Variants in NUBP1 observed in about 807,000 individuals in gnomAD.
NUBP1 encodes cytosolic Fe-S cluster assembly factor NUBP1.
Under a neutral mutation model 41.8 loss-of-function variants are expected in NUBP1, and 46 were observed. The ratio of observed to expected loss-of-function variants is 1.10; its 90% CI spans 0.87 to 1.41. The LOEUF is 1.41. Among genes scored for constraint, NUBP1 ranks in the 40% most tolerant of loss-of-function variants. The pLI is 0.00. For missense variants in NUBP1, 494 were observed against 414.0 expected, an observed-to-expected ratio of 1.19 and a Z score of -1.68; for synonymous variants, 189 against 154.6, an observed-to-expected ratio of 1.22 and a Z score of -1.65.
intron 3 of NUBP1, among the ~76,000 whole-genome samples, chr16:10,751,483 G>A (rs1418746378): frequency 6.6e-6 from 1 of 152,192 alleles, no homozygotes; most frequent in Non-Finnish European, 1.5e-5. Context: ...GGGTGCTGAG[G>A]AAGTAGGAGG....
At position 10,755,718 on chromosome 16, in the gene NUBP1, C is replaced by A; in HGVS notation, c.328-3C>A. On this transcript the variant is annotated splice_region_variant and splice_polypyrimidine_tract_variant and intron_variant, in intron 4 of 10. Transcript: ENST00000283027. Reference sequence around the variant, plus strand: ...ATGAACATCGGTGCTCATGTTCACACAGGTTCACCAGAGTGGCTCAGGCTG... The same window carrying A: ...ATGAACATCGGTGCTCATGTTCACAAAGGTTCACCAGAGTGGCTCAGGCTG... 1 of 1,614,106 alleles carries A rather than the reference C, an allele frequency of 6.2e-7. No homozygotes were observed. Among genetic ancestry groups the A allele is most frequent in the South Asian group, 1.1e-5 (1 of 91,080 alleles).
At position 10,747,231 on chromosome 16, in the gene NUBP1, C is replaced by A; in HGVS notation, c.213C>A (p.Phe71Leu). 2.5e-6 allele frequency: 4 copies of A among 1,614,214 alleles called. No homozygotes were observed. Among genetic ancestry groups the A allele is most frequent in the Non-Finnish European group, 3.4e-6 (4 of 1,180,038 alleles). Residue 71 changes from phenylalanine to leucine, a missense_variant, in exon 3 of 11, where the codon TTC becomes TTA. Coordinates refer to ENST00000283027, the MANE Select transcript of NUBP1 (RefSeq NM_002484.4). ...AAGGCGGTGTTGGGAAAAGCACATT[C>A]AGCGCCCACCTTGCCCATGGCCTAG... ...SGKGGVGKST[F>L]SAHLAHGLAE...
chr16:10,761,286 C>T lies in NUBP1; in HGVS notation c.607-78C>T. 7 of 1,324,508 alleles carry T rather than the reference C, an allele frequency of 5.3e-6. No homozygotes were observed. The South Asian group carries it at 7.5e-5, about 14-fold the overall frequency. The allele number at this position is 1,324,508 out of a possible 1,614,324, so 82.0% of individuals were successfully genotyped here. ...TTATGATCGCAGATCCACTGCATTG[C>T]AGCCATCCCCTCGGTTGCACAGACA... is the stretch of plus-strand genomic sequence containing the variant. On this transcript the variant is annotated intron_variant, in intron 7 of 10. Coordinates refer to ENST00000283027, the MANE Select transcript of NUBP1 (RefSeq NM_002484.4).
chr16:10,762,163 GGCTC>G (rs1228775479), intron 9 of NUBP1: 1 of 249,228 alleles, frequency 4.0e-6, no homozygotes, highest in African/African-American at 2.2e-5. Context: ...ATAGAGGGGC[GGCTC>G]CAGGGGATGC....
At chr16:10,744,088 A>C (rs374218615) in intron 2 of NUBP1, 23 bp downstream of exon 2, 1 of 1,517,500 alleles carries the variant, frequency 6.6e-7, no homozygotes, top group Non-Finnish European at 8.8e-7. Context: ...CAAGGCCTCA[A>C]CAGGAACTTA....
In NUBP1 at chr16:10,749,854, A is replaced by C. The variant is rs1834988595; in HGVS notation, c.258+2578A>C. ...GATCAAGAGAGAGCAGAATTAGAAA[A>C]CACCCCTGACGAGTCACAGGCTGCC... On this transcript the variant is annotated intron_variant, in intron 3 of 10. Coordinates refer to ENST00000283027, the MANE Select transcript of NUBP1 (RefSeq NM_002484.4). This position sits in a 1 kb window ranked among gnomAD's most constrained non-coding sequence, Gnocchi z 4.1. Among the ~76,000 whole-genome samples, 1 of 152,134 alleles carries C rather than the reference A, an allele frequency of 6.6e-6. No individual in the cohort carries two copies. Among genetic ancestry groups the C allele is most frequent in the African/African-American group, 2.4e-5 (1 of 41,424 alleles).
chr16:10,753,278 A>C (rs1900406224), intron 4 of NUBP1, among the ~76,000 whole-genome samples: 1 of 152,344 alleles, frequency 6.6e-6, no homozygotes, highest in East Asian at 1.9e-4. Context: ...AGTGAAATGC[A>C]GAAGTAAGAC....
intron 5 of NUBP1, 37 bp downstream of exon 5, chr16:10,755,790 T>C (rs764250409): frequency 1.3e-6 from 2 of 1,598,268 alleles, no homozygotes; most frequent in African/African-American, 2.7e-5. Context: ...TTCACAGTAG[T>C]GTGTGGTTGT....
chr16:10,764,743 G>T (rs1042579549), intron 9 of NUBP1, among the ~76,000 whole-genome samples: 1 of 149,572 alleles, frequency 6.7e-6, no homozygotes, highest in African/African-American at 2.5e-5. Context: ...GAGCATCTCA[G>T]TCTGCTGGAG....
intron 7 of NUBP1, among the ~76,000 whole-genome samples, chr16:10,760,070 A>G (rs1007780118): frequency 6.6e-6 from 1 of 152,272 alleles, no homozygotes; most frequent in Admixed American, 6.5e-5. Flanking sequence ...CAGTAATCAC[A>G]TTGGAAAAAC....
Position 10,768,578 on chromosome 16 carries a change from G to A in NUBP1, c.905-469G>A, listed in dbSNP as rs1172324663. 6.3e-6 allele frequency: 1 copy of A among 157,510 alleles called. No individual in the cohort carries two copies. The highest frequency in any genetic ancestry group is 2.4e-5 in the African/African-American group (1 of 41,546). The allele number at this position is 157,510 out of a possible 1,614,324, so 9.8% of individuals were successfully genotyped here. On this transcript the variant is annotated intron_variant, in intron 10 of 10. Coordinates refer to ENST00000283027, the MANE Select transcript of NUBP1 (RefSeq NM_002484.4). The surrounding 1 kb of genome is among the most constrained non-coding windows in gnomAD (Gnocchi z 4.3). ...GGCGAGATCGCGCCACTGCACTCCA[G>A]CCTGGGCAACAGCGTGAGACCGTGT...
intron 8 of NUBP1, 62 bp downstream of exon 8, chr16:10,761,536 G>A (rs1006877203): frequency 2.5e-5 from 34 of 1,376,976 alleles, no homozygotes; most frequent in Middle Eastern, 2.0e-4. Context: ...GGAAACGATC[G>A]GAAGGCTGCT....
At chr16:10,756,663 C>T (rs1386832780) in intron 5 of NUBP1, 27 bp from the exon 6 acceptor site, 1 of 1,506,558 alleles carries the variant, frequency 6.6e-7, no homozygotes, top group Non-Finnish European at 8.8e-7. Context: ...TAAAGCGTGT[C>T]TTGCCCTCAC....
rs58201009 is a variant in NUBP1, at chr16:10,749,126, TACACACACACACACACAC to T, written c.258+1877_258+1894del. On this transcript the variant is annotated intron_variant, in intron 3 of 10. Coordinates refer to ENST00000283027, the MANE Select transcript of NUBP1 (RefSeq NM_002484.4). The surrounding 1 kb of genome is among the most constrained non-coding windows in gnomAD (Gnocchi z 4.1). ...GGATATAGATAGATACACAGACACA[TACACACACACACACACAC>T]ACACACACACACACACACACACACA... Among the ~76,000 whole-genome samples, 8 of 121,026 alleles carry T rather than the reference TACACACACACACACACAC, an allele frequency of 6.6e-5. No homozygotes were observed. The highest frequency in any genetic ancestry group is 5.5e-4 in the Admixed American group (7 of 12,756). 79.4% of individuals were successfully genotyped at this position (121,026 alleles called of 152,430 possible).
rs895708574 is a variant in NUBP1 at position 10,766,965 on chromosome 16, C to T, written c.821-984C>T. On this transcript the variant is annotated intron_variant, in intron 9 of 10. Transcript: ENST00000283027. This position sits in a 1 kb window ranked among gnomAD's most constrained non-coding sequence, Gnocchi z 4.8. ...CCTGACTCACTGGGCCATATGGGCT[C>T]CCCATCTCCCACCAACCCCTCCCCA... is the stretch of plus-strand genomic sequence containing the variant. 4.8e-5 allele frequency: 19 copies of T among 398,582 alleles called. No individual in the cohort carries two copies. In the East Asian group the frequency reaches 6.4e-4, roughly 13 times the overall value. The allele number at this position is 398,582 out of a possible 1,614,324, so 24.7% of individuals were successfully genotyped here.
In NUBP1 at chr16:10,765,174, C is replaced by A. The variant is rs2030678473; in HGVS notation, c.821-2775C>A. 6.6e-6 allele frequency: 1 copy of A among 152,592 alleles called. No homozygotes were observed. The highest frequency in any genetic ancestry group is 2.0e-4 in the South Asian group (1 of 4,908). 9.5% of individuals were successfully genotyped at this position (152,592 alleles called of 1,614,324 possible). A position where few individuals can be genotyped will look rare whatever the true frequency, so the allele number is the denominator to read the frequency against. On this transcript the variant is annotated intron_variant, in intron 9 of 10. Transcript: ENST00000283027. The surrounding 1 kb of genome is among the most constrained non-coding windows in gnomAD (Gnocchi z 4.0). ...GTCCTTATGGCCATCACAATTGCCA[C>A]ATTTTCCAAGGTTTAATGAAGAGCT... is the stretch of plus-strand genomic sequence containing the variant.
rs549921200 is a variant in NUBP1 at position 10,749,439 on chromosome 16, C to T, written c.258+2163C>T. ...TACGTTCTGAAGTCTTTGCTGCATG[C>T]CTGTCTAGACTTTGCAGTATACAGA... is the stretch of plus-strand genomic sequence containing the variant. On this transcript the variant is annotated intron_variant, in intron 3 of 10. Transcript: ENST00000283027. The surrounding 1 kb of genome is among the most constrained non-coding windows in gnomAD (Gnocchi z 4.1). Among the ~76,000 whole-genome samples the T allele has an allele frequency of 2.6e-5, 4 of 152,180 alleles. No individual in the cohort carries two copies. The South Asian group carries it at 8.3e-4, about 32-fold the overall frequency.
In NUBP1 at chr16:10,769,338, C is replaced by A. The variant is rs983431789; in HGVS notation, c.*233C>A. On this transcript the variant is annotated 3_prime_UTR_variant, in exon 11 of 11. Transcript: ENST00000283027. ...CAAATGTGCCGTTTTAAGAATAAAA[C>A]CCCCTCAAATCTCTCCCCCGAGGCC... 6.5e-6 allele frequency: 3 copies of A among 462,712 alleles called. No homozygotes were observed. In the South Asian group the frequency reaches 1.2e-4, roughly 18 times the overall value. 28.7% of individuals were successfully genotyped at this position (462,712 alleles called of 1,614,324 possible). A position where few individuals can be genotyped will look rare whatever the true frequency, so the allele number is the denominator to read the frequency against.
In NUBP1 at chr16:10,744,019, C is replaced by T. The variant is rs1365780235; in HGVS notation, c.78C>T (p.Pro26=). ...GAGGGGCTTCATGTCAGGGATGCCC[C>T]AACCAGCGGCTGTGCGCTTCTGGAG... ...AGRGASCQGC[P]NQRLCASGAG... is the part of the protein sequence containing the mutation. Residue 26 remains proline (P), a synonymous_variant, in exon 2 of 11, where the codon CCC becomes CCT. Coordinates refer to ENST00000283027, the MANE Select transcript of NUBP1 (RefSeq NM_002484.4). 1 of 1,578,956 alleles carries T rather than the reference C, an allele frequency of 6.3e-7. No individual in the cohort carries two copies. Among genetic ancestry groups the T allele is most frequent in the African/African-American group, 1.4e-5 (1 of 72,626 alleles).
Sources: gnomAD v4.1 joint callset for allele counts (sites outside exome capture counted in the v4.1 genomes callset) on GRCh38, gnomAD v4.1.1 for gene constraint, Gnocchi (gnomAD v3.1) non-coding constraint, MANE v1.5 for transcripts, NCBI Gene and HGNC (gene_info 2026-07-23, HGNC 2026-07-21) for gene names.